Variants in CADM2 observed in about 807,000 individuals in gnomAD.
CADM2 encodes the protein immunoglobulin superfamily member 4D.
A neutral mutation model predicts 49.8 loss-of-function variants in CADM2; 12 were observed. That is an observed-to-expected ratio of 0.24 (90% CI 0.15 to 0.39). The LOEUF (loss-of-function observed/expected upper bound fraction) is 0.39. Ranked by LOEUF, CADM2 falls within the 10% of genes least tolerant of loss-of-function variation. The pLI is 1.00. For synonymous variants in CADM2, 214 were observed against 175.4 expected, an observed-to-expected ratio of 1.22 and a Z score of -1.74; for missense variants, 378 against 492.3, an observed-to-expected ratio of 0.77 and a Z score of 2.20.
At chr3:85,223,043 G>T (rs1432979821) in intron 1 of CADM2, among the ~76,000 whole-genome samples, 1 of 152,090 alleles carries the variant, frequency 6.6e-6, no homozygotes, top group East Asian at 1.9e-4. Flanking sequence ...CTGTTAGGGG[G>T]CCAGTGTCTC....
chr3:84,993,488 C>CAA (rs2033006657), intron 1 of CADM2, among the ~76,000 whole-genome samples: 1 of 152,110 alleles, frequency 6.6e-6, no homozygotes, highest in Admixed American at 6.5e-5. Flanking sequence ...TACTTCTGGT[C>CAA]CTAGTTGACC....
At chr3:85,384,713 A>G (rs570721649) in intron 1 of CADM2, among the ~76,000 whole-genome samples, 8 of 151,544 alleles carry the variant, frequency 5.3e-5, no homozygotes, top group African/African-American at 1.2e-4. Flanking sequence ...TTGTGTGTGT[A>G]TATATATATA....
At chr3:85,323,661 C>T (rs1197415074) in intron 1 of CADM2, among the ~76,000 whole-genome samples, 1 of 152,172 alleles carries the variant, frequency 6.6e-6, no homozygotes, top group Non-Finnish European at 1.5e-5. Context: ...CCCATACTCA[C>T]CACCAGAATA....
At chr3:85,954,072 C>T (rs931183040) in intron 7 of CADM2, among the ~76,000 whole-genome samples, 3 of 150,754 alleles carry the variant, frequency 2.0e-5, no homozygotes, top group African/African-American at 7.3e-5. Context: ...TTTAAGCTTG[C>T]TTATTCTACA....
At chr3:85,608,060 C>T (rs1278785483) in intron 1 of CADM2, among the ~76,000 whole-genome samples, 1 of 152,070 alleles carries the variant, frequency 6.6e-6, no homozygotes, top group Admixed American at 6.6e-5. Context: ...TAATGTTTAT[C>T]CTAGCCACTG....
chr3:86,045,935 G>A (rs967830720), intron 8 of CADM2, among the ~76,000 whole-genome samples: 11 of 152,096 alleles, frequency 7.2e-5, no homozygotes, highest in African/African-American at 2.7e-4. Flanking sequence ...AAGTGACAGT[G>A]TCAGATTCTA....
At chr3:85,318,229 A>G (rs1048107734) in intron 1 of CADM2, among the ~76,000 whole-genome samples, 7 of 151,856 alleles carry the variant, frequency 4.6e-5, no homozygotes, top group Non-Finnish European at 1.0e-4. Flanking sequence ...GTGCAGCATT[A>G]AAAAATAAAT....
intron 1 of CADM2, among the ~76,000 whole-genome samples, chr3:85,421,001 T>G (rs1179683060): frequency 6.6e-6 from 1 of 152,196 alleles, no homozygotes; most frequent in East Asian, 1.9e-4. Flanking sequence ...TATTCTTATT[T>G]AAATAGCAGA....
At chr3:85,823,971 G>A (rs2073758706) in intron 3 of CADM2, among the ~76,000 whole-genome samples, 1 of 152,094 alleles carries the variant, frequency 6.6e-6, no homozygotes, top group Non-Finnish European at 1.5e-5. Flanking sequence ...ACTCAAAACA[G>A]GAGATGAATT....
intron 1 of CADM2, among the ~76,000 whole-genome samples, chr3:85,330,632 C>T (rs1356586640): frequency 2.0e-5 from 3 of 151,980 alleles, no homozygotes; most frequent in Admixed American, 2.0e-4. Context: ...TAAATCCACC[C>T]TAACTTATTA....
Position 86,013,203 on chromosome 3 carries a change from T to C in CADM2, c.970+51556T>C, listed in dbSNP as rs902708994. 2.9e-6 allele frequency: 4 copies of C among 1,383,196 alleles called. No individual in the cohort carries two copies. The Admixed American group carries it at 5.5e-5, about 19-fold the overall frequency. The allele number at this position is 1,383,196 out of a possible 1,614,324, so 85.7% of individuals were successfully genotyped here. A position where few individuals can be genotyped will look rare whatever the true frequency, so the allele number is the denominator to read the frequency against. Reference sequence around the variant, plus strand: ...CAGGACTGAAACAGAAAAACATTGATGAAACTTCTGAGCAGGAACAAAAAC... The same window carrying C: ...CAGGACTGAAACAGAAAAACATTGACGAAACTTCTGAGCAGGAACAAAAAC... On this transcript the variant is annotated intron_variant, in intron 8 of 9. Coordinates refer to ENST00000383699, the MANE Select transcript of CADM2 (RefSeq NM_001167675.2).
intron 6 of CADM2, among the ~76,000 whole-genome samples, chr3:85,933,982 C>A (rs1720905018): frequency 6.6e-6 from 1 of 152,082 alleles, no homozygotes; most frequent in Admixed American, 6.6e-5. Context: ...CTCCAAAAAA[C>A]ATCCTCGCAT....
chr3:85,390,609 T>C (rs1013079365), intron 1 of CADM2, among the ~76,000 whole-genome samples: 1 of 152,064 alleles, frequency 6.6e-6, no homozygotes, highest in African/African-American at 2.4e-5. Context: ...TATTTTCCTC[T>C]AGGTTTAATC....
intron 1 of CADM2, among the ~76,000 whole-genome samples, chr3:85,502,884 C>T (rs946153801): frequency 6.6e-6 from 1 of 152,004 alleles, no homozygotes; most frequent in African/African-American, 2.4e-5. Flanking sequence ...TTCTTCTATT[C>T]CCTCATGATA....
At chr3:85,735,144 T>C (rs1478123242) in intron 2 of CADM2, among the ~76,000 whole-genome samples, 1 of 152,106 alleles carries the variant, frequency 6.6e-6, no homozygotes, top group Admixed American at 6.6e-5. Flanking sequence ...TACTGTCGTA[T>C]GTTACAATGT....
chr3:85,019,894 T>C (rs1406289431), intron 1 of CADM2, among the ~76,000 whole-genome samples: 4 of 152,170 alleles, frequency 2.6e-5, no homozygotes, highest in African/African-American at 9.7e-5. Flanking sequence ...CTCTAGTAGA[T>C]AGATTCTAAA....
chr3:85,606,959 G>A (rs558856007), intron 1 of CADM2, among the ~76,000 whole-genome samples: 8 of 152,178 alleles, frequency 5.3e-5, no homozygotes, highest in African/African-American at 1.9e-4. Context: ...AGAAAGATAA[G>A]AGATGGAGAA....
chr3:85,493,144 TATA>T (rs1211469837), intron 1 of CADM2, among the ~76,000 whole-genome samples: 1 of 152,122 alleles, frequency 6.6e-6, no homozygotes, highest in African/African-American at 2.4e-5. Context: ...CATTTATTAA[TATA>T]ATAATTTTAA....
chr3:85,083,352 T>G (rs147131637), intron 1 of CADM2, among the ~76,000 whole-genome samples: 1 of 152,284 alleles, frequency 6.6e-6, no homozygotes, highest in East Asian at 1.9e-4. Context: ...TCTGATTCAA[T>G]TTCAATCAAG....
Sources: gnomAD v4.1 joint callset for allele counts (sites outside exome capture counted in the v4.1 genomes callset) on GRCh38, gnomAD v4.1.1 for gene constraint, MANE v1.5 for transcripts, NCBI Gene and HGNC (gene_info 2026-07-23, HGNC 2026-07-21) for gene names.